The following PRRC2B variants were observed in gnomAD, a reference collection of about 807,000 sequenced individuals.
PRRC2B encodes protein PRRC2B.
PRRC2B carries 68 observed loss-of-function variants against 242.3 expected under a neutral mutation model. The ratio of observed to expected loss-of-function variants is 0.28; its 90% confidence interval spans 0.23 to 0.34. The LOEUF is 0.34. PRRC2B is among the 10% of genes least tolerant of loss of function. The probability of loss-of-function intolerance (pLI) is 1.00; values close to 1 mark genes in which losing one functional copy is unlikely to be tolerated. For synonymous variants in PRRC2B, 1,228 were observed against 1,173.6 expected (o/e 1.05, Z -0.95); for missense variants, 2,835 against 2,954.8 (o/e 0.96, Z 0.94).
chr9:131,404,718 C>T (rs1171156899), intron 1 of PRRC2B, among the ~76,000 whole-genome samples: 1 of 152,222 alleles, frequency 6.6e-6, no homozygotes, highest in African/African-American at 2.4e-5. Context: ...TCTCAGCGTG[C>T]TCCCTGACAG....
intron 5 of PRRC2B, among the ~76,000 whole-genome samples, chr9:131,441,198 A>G (rs1178209392): frequency 2.0e-5 from 3 of 152,196 alleles, no homozygotes; most frequent in African/African-American, 7.2e-5. Flanking sequence ...ATACTGATGT[A>G]TATGTGTTTA....
Position 131,487,287 on chromosome 9 carries a change from C to T in PRRC2B, c.5977C>T (p.Pro1993Ser). Residue 1993 changes from proline (P) to serine (S), a missense_variant, in exon 27 of 32, where the codon CCC becomes TCC. By Grantham distance (74) the Pro-to-Ser change is moderately conservative. Around this residue, in one of 7 missense-constraint regions of PRRC2B, gnomAD observed 574 missense variants for 626.0 expected, o/e 0.92. Transcript: ENST00000683519. The surrounding 1 kb of genome is among the most constrained non-coding windows in gnomAD (Gnocchi z 5.3). Reference sequence around the variant, plus strand: ...CCAGGAGATCTTCAGCTCCTTGCAGCCCTTCAGGTGAGCTCATGTACCAGC... The same window carrying T: ...CCAGGAGATCTTCAGCTCCTTGCAGTCCTTCAGGTGAGCTCATGTACCAGC... ...QSQEIFSSLQ[P>S]FRSQVYMHPS... 1.2e-6 allele frequency: 2 copies of T among 1,608,268 alleles called. No homozygotes were observed. The highest frequency in any genetic ancestry group is 1.7e-6 in the Non-Finnish European group (2 of 1,176,694).
At chr9:131,383,772 C>T (rs1564269758) in intron 1 of PRRC2B, among the ~76,000 whole-genome samples, 1 of 151,866 alleles carries the variant, frequency 6.6e-6, no homozygotes, top group East Asian at 1.9e-4. Context: ...CAGATGCCCA[C>T]CACCATGCCC....
At chr9:131,436,575 C>T (rs367545816) in intron 3 of PRRC2B, 45 bp from the exon 4 acceptor site, 7 of 1,504,080 alleles carry the variant, frequency 4.7e-6, no homozygotes, top group African/African-American at 1.4e-5. Context: ...ACCTGGCCAG[C>T]GCACTCTGTG....
At chr9:131,393,627 C>T (rs879796690), upstream of PRRC2B, among the ~76,000 whole-genome samples, 1 of 152,252 alleles carries the variant, frequency 6.6e-6, no homozygotes, top group Non-Finnish European at 1.5e-5. Flanking sequence ...TTAGTCTGTT[C>T]TGAGGCGCTG....
Position 131,487,878 on chromosome 9 carries a change from A to G in PRRC2B, c.6007A>G (p.Ser2003Gly), listed in dbSNP as rs2131474157. 6.2e-7 allele frequency: 1 copy of G among 1,611,990 alleles called. No homozygotes were observed. Among genetic ancestry groups the G allele is most frequent in the East Asian group, 2.2e-5 (1 of 44,780 alleles). ...CAGATCTCAGGTGTACATGCACCCC[A>G]GCCTGTCACCGCCCAGCACCATGAT... ...PFRSQVYMHP[S>G]LSPPSTMILS... The change falls in exon 28 of 32, where the codon AGC (serine) becomes GGC (glycine). Residue 2003 changes from serine to glycine, a missense_variant. By Grantham distance (56) the Ser-to-Gly change is moderately conservative. Around this residue, in one of 7 missense-constraint regions of PRRC2B, gnomAD observed 574 missense variants for 626.0 expected, o/e 0.92. Coordinates refer to ENST00000683519, the MANE Select transcript of PRRC2B (RefSeq NM_013318.4). This position sits in a 1 kb window ranked among gnomAD's most constrained non-coding sequence, Gnocchi z 5.3.
At chr9:131,401,867 G>A (rs1396156723) in intron 1 of PRRC2B, among the ~76,000 whole-genome samples, 1 of 151,724 alleles carries the variant, frequency 6.6e-6, no homozygotes, top group Non-Finnish European at 1.5e-5. Flanking sequence ...CACCATGTTG[G>A]CCAGGCTGGT....
rs1203593106 is a variant in PRRC2B at position 131,446,772 on chromosome 9, C to T, written c.855+130C>T. The T allele has an allele frequency of 2.0e-5, 22 of 1,082,576 alleles. No individual in the cohort carries two copies. Among genetic ancestry groups the T allele is most frequent in the Admixed American group, 2.7e-5 (1 of 36,542 alleles). The allele number at this position is 1,082,576 out of a possible 1,614,324, so 67.1% of individuals were successfully genotyped here. ...TTACCCTACTTCTGAGGCTTCCACTCGTTTTGCATTTTCTCTCCCTGCTTT... is the reference window on the plus strand; with the variant it reads ...TTACCCTACTTCTGAGGCTTCCACTTGTTTTGCATTTTCTCTCCCTGCTTT... On this transcript the variant is annotated intron_variant, in intron 7 of 31. Transcript: ENST00000683519. This position sits in a 1 kb window ranked among gnomAD's most constrained non-coding sequence, Gnocchi z 4.1.
At chr9:131,379,913 C>T (rs1037651209) in intron 1 of PRRC2B, among the ~76,000 whole-genome samples, 9 of 151,102 alleles carry the variant, frequency 6.0e-5, no homozygotes, top group African/African-American at 1.7e-4. Flanking sequence ...CGTCAGCTAC[C>T]GCACCCAGCC....
intron 1 of PRRC2B, among the ~76,000 whole-genome samples, chr9:131,381,519 C>T (rs2986610): frequency 0.55 from 80,781 of 146,826 alleles, 24,318 homozygotes; most frequent in East Asian, 0.82. Context: ...CCCGGGTTCA[C>T]GCCATTCTCC....
Position 131,376,512 on chromosome 9 carries a change from C to T in PRRC2B, c.-56+2781C>T, listed in dbSNP as rs960229917. On this transcript the variant is annotated intron_variant, in intron 1 of 1. Coordinates refer to the PRRC2B transcript ENST00000682525. ...TCCTCCAGGGCACACCACTGGACTA[C>T]AATTCCCAGCCCCCTGTGTAGTTAG... Among the ~76,000 whole-genome samples, 5 of 152,084 alleles carry T rather than the reference C, an allele frequency of 3.3e-5. No individual in the cohort carries two copies. In the East Asian group the frequency reaches 9.6e-4, roughly 29 times the overall value.
chr9:131,441,158 A>C (rs894896646), intron 5 of PRRC2B, among the ~76,000 whole-genome samples: 9 of 152,182 alleles, frequency 5.9e-5, no homozygotes, highest in African/African-American at 2.2e-4. Context: ...AAAATGTTGT[A>C]TATGCATGTT....
chr9:131,491,682 C>T (rs1944199612), intron 29 of PRRC2B, 102 bp downstream of exon 29: 9 of 1,132,704 alleles, frequency 7.9e-6, no homozygotes, highest in Middle Eastern at 2.7e-4. Context: ...GAGCCAGTGG[C>T]GTGGGACTGC....
At chr9:131,453,195 G>A (rs1271113910) in intron 9 of PRRC2B, among the ~76,000 whole-genome samples, 1 of 152,116 alleles carries the variant, frequency 6.6e-6, no homozygotes, top group Admixed American at 6.5e-5. Flanking sequence ...CTTGCAGTCT[G>A]TTTTGTCCTG....
chr9:131,496,065 A>C lies in PRRC2B; in HGVS notation c.*191A>C. 2 of 700,746 alleles carry C rather than the reference A, an allele frequency of 2.9e-6. No homozygotes were observed. The highest frequency in any genetic ancestry group is 2.3e-6 in the Non-Finnish European group (1 of 436,056). The allele number at this position is 700,746 out of a possible 1,614,324, so 43.4% of individuals were successfully genotyped here. A position where few individuals can be genotyped will look rare whatever the true frequency, so the allele number is the denominator to read the frequency against. On this transcript the variant is annotated 3_prime_UTR_variant, in exon 32 of 32. Coordinates refer to ENST00000683519, the MANE Select transcript of PRRC2B (RefSeq NM_013318.4). Reference sequence around the variant, plus strand: ...TTGCACCCGTGGATATATGGCATTGACCCGCTTGCTTTGATACGAAACAAA... The same window carrying C: ...TTGCACCCGTGGATATATGGCATTGCCCCGCTTGCTTTGATACGAAACAAA...
At chr9:131,444,461 C>A in intron 6 of PRRC2B, 133 bp downstream of exon 6, 1 of 920,642 alleles carries the variant, frequency 1.1e-6, no homozygotes, top group Non-Finnish European at 1.6e-6. Flanking sequence ...TTTGACTCGC[C>A]ACGTGATCTG....
At chr9:131,400,093 T>G (rs572677323) in intron 1 of PRRC2B, among the ~76,000 whole-genome samples, 2 of 152,104 alleles carry the variant, frequency 1.3e-5, no homozygotes, top group South Asian at 2.1e-4. Flanking sequence ...TCTTAGTTTT[T>G]TCTTTTTTGA....
At chr9:131,459,615 C>A (rs913880558) in intron 11 of PRRC2B, among the ~76,000 whole-genome samples, 1 of 151,470 alleles carries the variant, frequency 6.6e-6, no homozygotes, top group Non-Finnish European at 1.5e-5. Context: ...TAAGGTCTTG[C>A]TCTATCCTTC....
At chr9:131,380,973 G>A (rs1225634937) in intron 1 of PRRC2B, among the ~76,000 whole-genome samples, 1 of 151,664 alleles carries the variant, frequency 6.6e-6, no homozygotes, top group Non-Finnish European at 1.5e-5. Context: ...CCACTCTGTG[G>A]GTCGTTGTCT....
Sources: allele counts gnomAD v4.1 joint callset (sites outside exome capture counted in the v4.1 genomes callset), GRCh38; gene constraint gnomAD v4.1.1; regional missense constraint gnomAD v4.1.1; non-coding constraint Gnocchi (gnomAD v3.1); transcripts MANE v1.5; gene names NCBI Gene and HGNC (gene_info 2026-07-23, HGNC 2026-07-21).